The following WDR72 variants were observed in gnomAD, a reference collection of about 807,000 sequenced individuals.
WDR72 encodes the protein WD repeat domain 72.
WDR72 carries 120 observed loss-of-function variants against 124.2 expected under a neutral mutation model. The observed-to-expected ratio is 0.97, with a 90% CI of 0.83 to 1.12. The LOEUF is 1.12. WDR72 is among the 50% of genes most tolerant of loss of function. WDR72 has a pLI of 0.00. For missense variants in WDR72, 1,387 were observed against 1,278.8 expected (o/e 1.08, Z -1.29); for synonymous variants, 452 against 441.7 (o/e 1.02, Z -0.29).
chr15:53,725,316 C>A (rs150111678), intron 2 of WDR72, among the ~76,000 whole-genome samples: 1 of 152,142 alleles, frequency 6.6e-6, no homozygotes, highest in African/African-American at 2.4e-5. Flanking sequence ...AAATGCTGGC[C>A]GGGATGTGGA....
In WDR72 at chr15:53,712,755, A is replaced by C. The variant is rs769298539; in HGVS notation, c.711+17T>G. 11 of 1,608,468 alleles carry C rather than the reference A, an allele frequency of 6.8e-6. No homozygotes were observed. The East Asian group carries it at 2.2e-4, about 33-fold the overall frequency. On this transcript the variant is annotated intron_variant, in intron 7 of 19. Transcript: ENST00000360509. ...CACTTGTACATCACTGGTATTTATT[A>C]TGTTACTTTATAATACCTTCCAACA... is the stretch of plus-strand genomic sequence containing the variant.
At chr15:53,523,357 A>AAAGGGAGGG in intron 18 of WDR72, 35 bp from the exon 19 acceptor site, 1 of 1,592,748 alleles carries the variant, frequency 6.3e-7, no homozygotes, top group Non-Finnish European at 8.6e-7. Flanking sequence ...AGAGAGACAG[A>AAAGGGAGGG]AGAGAGAGGA....
In WDR72 at chr15:53,516,870, C is replaced by CTGTT. The variant is rs1389490802; in HGVS notation, c.*825_*828dup. The CTGTT allele has an allele frequency of 2.0e-5, 3 of 152,026 alleles. No homozygotes were observed. The highest frequency in any genetic ancestry group is 2.1e-4 in the South Asian group (1 of 4,818). The allele number at this position is 152,026 out of a possible 1,614,324, so 9.4% of individuals were successfully genotyped here. On this transcript the variant is annotated 3_prime_UTR_variant, in exon 20 of 20. Coordinates refer to ENST00000360509, the MANE Select transcript of WDR72 (RefSeq NM_182758.4). The stretch of plus-strand genomic sequence containing the variant: ...CACTTTATGTCTATTCCTATTTATG[C>CTGTT]TGTTTGATATATTTCAGTTTTAGAA...
chr15:53,656,620 T>C (rs2015429473), intron 14 of WDR72, among the ~76,000 whole-genome samples: 1 of 152,162 alleles, frequency 6.6e-6, no homozygotes, highest in Non-Finnish European at 1.5e-5. Context: ...TAAGTGGTAT[T>C]ACCAGCTTTC....
intron 2 of WDR72, among the ~76,000 whole-genome samples, chr15:53,726,248 ATATATATGTATGTGTG>A (rs1211356998): frequency 4.1e-5 from 4 of 97,382 alleles, no homozygotes; most frequent in East Asian, 2.9e-4. Flanking sequence ...ATGTGTGTAT[ATATATATGTATGTGTG>A]TATATATATA....
At chr15:53,671,200 C>T (rs867322451) in intron 13 of WDR72, among the ~76,000 whole-genome samples, 13 of 152,266 alleles carry the variant, frequency 8.5e-5, no homozygotes, top group East Asian at 1.9e-4. Flanking sequence ...GTCTCACCCT[C>T]GCTCTGCTTT....
chr15:53,570,517 A>C (rs1237038635), intron 18 of WDR72, among the ~76,000 whole-genome samples: 1 of 152,122 alleles, frequency 6.6e-6, no homozygotes, highest in Non-Finnish European at 1.5e-5. Flanking sequence ...AGAGATGCAA[A>C]TCAAAGCCAC....
At chr15:53,612,411 C>T (rs2013579840) in intron 16 of WDR72, among the ~76,000 whole-genome samples, 2 of 152,020 alleles carry the variant, frequency 1.3e-5, no homozygotes, top group South Asian at 4.1e-4. Context: ...GGGAGTGCTG[C>T]TGCAGTGATA....
At chr15:53,546,772 T>A (rs573162393) in intron 18 of WDR72, among the ~76,000 whole-genome samples, 1 of 151,336 alleles carries the variant, frequency 6.6e-6, no homozygotes, top group East Asian at 2.0e-4. Context: ...AAAGGGAAAA[T>A]TCACAAATAC....
In WDR72 at chr15:53,523,200, T is replaced by G. The variant is rs750377034; in HGVS notation, c.3253+18A>C. The G allele has an allele frequency of 1.2e-6, 2 of 1,610,570 alleles. No individual in the cohort carries two copies. Among genetic ancestry groups the G allele is most frequent in the Non-Finnish European group, 1.7e-6 (2 of 1,177,464 alleles). The stretch of plus-strand genomic sequence containing the variant: ...AAATTTATCATTTTATACTTGACTA[T>G]TTTTAAATGGCTTTCACCTGGACTC... On this transcript the variant is annotated intron_variant, in intron 19 of 19. Coordinates refer to ENST00000360509, the MANE Select transcript of WDR72 (RefSeq NM_182758.4).
chr15:53,711,516 T>C, intron 7 of WDR72, 35 bp from the exon 8 acceptor site: 1 of 1,608,232 alleles, frequency 6.2e-7, no homozygotes, highest in Non-Finnish European at 8.5e-7. Context: ...TATCAAAGGC[T>C]TAAATCTAGT....
chr15:53,633,657 T>C (rs984454726), intron 14 of WDR72, among the ~76,000 whole-genome samples: 1 of 152,194 alleles, frequency 6.6e-6, no homozygotes, highest in African/African-American at 2.4e-5. Flanking sequence ...ATTGACAAAA[T>C]TGTAGTCATT....
chr15:53,722,946 A>G, intron 2 of WDR72, 38 bp from the exon 3 acceptor site: 1 of 1,566,294 alleles, frequency 6.4e-7, no homozygotes. Context: ...ATAATTGTAA[A>G]CTGTTTGAAG....
chr15:53,591,484 T>C (rs1364415757), intron 18 of WDR72, among the ~76,000 whole-genome samples: 1 of 151,962 alleles, frequency 6.6e-6, no homozygotes, highest in African/African-American at 2.4e-5. Flanking sequence ...CACCCAAAAG[T>C]TTTAAGTGAG....
chr15:53,620,755 A>T (rs1488780751), intron 14 of WDR72, among the ~76,000 whole-genome samples: 1 of 152,152 alleles, frequency 6.6e-6, no homozygotes, highest in Non-Finnish European at 1.5e-5. Context: ...TTTCATGACC[A>T]AGAACCCAAA....
chr15:53,539,946 C>G (rs1289131253), intron 18 of WDR72, among the ~76,000 whole-genome samples: 2 of 151,860 alleles, frequency 1.3e-5, no homozygotes, highest in African/African-American at 4.8e-5. Context: ...AAAGGATAGA[C>G]AGGATATAAA....
chr15:53,591,170 T>C (rs1040766214), intron 18 of WDR72, among the ~76,000 whole-genome samples: 8 of 152,012 alleles, frequency 5.3e-5, no homozygotes, highest in South Asian at 2.1e-4. Flanking sequence ...CCAAAGACTA[T>C]GTTAGGCACC....
chr15:53,684,574 C>A (rs1301994772), intron 13 of WDR72: 1 of 159,222 alleles, frequency 6.3e-6, no homozygotes, highest in Non-Finnish European at 1.4e-5. Flanking sequence ...CATGGAGTCT[C>A]GCTGATTGCT....
chr15:53,647,178 T>C (rs927794699), intron 14 of WDR72, among the ~76,000 whole-genome samples: 1 of 151,976 alleles, frequency 6.6e-6, no homozygotes, highest in Admixed American at 6.6e-5. Flanking sequence ...TGTTATGAAA[T>C]CACAATAGTA....
Sources: allele counts gnomAD v4.1 joint callset (sites outside exome capture counted in the v4.1 genomes callset), GRCh38; gene constraint gnomAD v4.1.1; transcripts MANE v1.5; gene names NCBI Gene and HGNC (gene_info 2026-07-23, HGNC 2026-07-21).